COL12A1: variants seen among roughly 807,000 people sequenced by gnomAD.
COL12A1 encodes collagen type XII alpha 1 chain.
Under a neutral mutation model 349.7 loss-of-function variants are expected in COL12A1, and 114 were observed. The observed-to-expected ratio is 0.33, with a 90% CI of 0.28 to 0.38. The LOEUF is 0.38. Among genes scored for constraint, COL12A1 ranks in the 10% least tolerant of loss-of-function variants. The pLI, the probability that COL12A1 is intolerant of heterozygous loss-of-function variation, is 1.00. For missense variants in COL12A1, 3,284 were observed against 3,756.9 expected (o/e 0.87, Z 3.29); for synonymous variants, 1,369 against 1,329.0 (o/e 1.03, Z -0.66).
rs774985994 is a variant in COL12A1 at position 75,087,573 on chromosome 6, G to A, written c.9181+4C>T. The A allele has an allele frequency of 5.6e-6, 9 of 1,613,284 alleles. No homozygotes were observed. Among genetic ancestry groups the A allele is most frequent in the East Asian group, 4.5e-5 (2 of 44,802 alleles). On this transcript the variant is annotated splice_donor_region_variant and intron_variant, in intron 65 of 65. Transcript: ENST00000322507. ...TTGGGGTTCCTACAATGGCAACAAC[G>A]TACCTGGATAGCCTTGCCCGTTGTA...
intron 51 of COL12A1, among the ~76,000 whole-genome samples, chr6:75,111,566 G>T (rs1256769403): frequency 3.3e-5 from 5 of 151,720 alleles, no homozygotes; most frequent in Non-Finnish European, 5.9e-5. Flanking sequence ...ATCTTCAGTG[G>T]TTATGAAAGG....
intron 23 of COL12A1, among the ~76,000 whole-genome samples, chr6:75,147,387 G>T (rs1254767256): frequency 1.3e-5 from 2 of 152,146 alleles, no homozygotes; most frequent in Non-Finnish European, 2.9e-5. Flanking sequence ...GAAAGCAAAA[G>T]TCTAAAGACT....
At chr6:75,089,053 G>T in intron 64 of COL12A1, 53 bp downstream of exon 64, 1 of 1,234,720 alleles carries the variant, frequency 8.1e-7, no homozygotes, top group African/African-American at 1.5e-5. Flanking sequence ...TCGGGATGGT[G>T]TGCCCTCTCG....
chr6:75,176,078 A>G (rs1418195861), intron 12 of COL12A1, among the ~76,000 whole-genome samples: 1 of 152,240 alleles, frequency 6.6e-6, no homozygotes, highest in Non-Finnish European at 1.5e-5. Context: ...CCTCAGCAAG[A>G]GAGAAAACCA....
chr6:75,108,093 T>G (rs975973506), intron 52 of COL12A1, among the ~76,000 whole-genome samples: 7 of 152,274 alleles, frequency 4.6e-5, no homozygotes, highest in Middle Eastern at 3.4e-3. Flanking sequence ...ATTGATTGAT[T>G]GATTGAGACA....
chr6:75,129,180 G>T (rs887450545), intron 37 of COL12A1, among the ~76,000 whole-genome samples: 2 of 152,148 alleles, frequency 1.3e-5, no homozygotes, highest in Non-Finnish European at 2.9e-5. Context: ...TCTCTGCTTT[G>T]GCAAACTAAC....
chr6:75,167,031 T>C (rs934412997), intron 13 of COL12A1, among the ~76,000 whole-genome samples: 1 of 152,152 alleles, frequency 6.6e-6, no homozygotes, highest in Non-Finnish European at 1.5e-5. Context: ...ATTAGTTACA[T>C]ATTTCACTGG....
At chr6:75,132,780 A>T (rs1766372886) in intron 34 of COL12A1, among the ~76,000 whole-genome samples, 1 of 152,250 alleles carries the variant, frequency 6.6e-6, no homozygotes, top group Non-Finnish European at 1.5e-5. Context: ...CCAAAGAAAT[A>T]TTTCTAAATC....
chr6:75,170,968 C>G (rs1768601800), intron 13 of COL12A1, among the ~76,000 whole-genome samples: 2 of 152,162 alleles, frequency 1.3e-5, no homozygotes, highest in African/African-American at 4.8e-5. Context: ...GTCATATTTT[C>G]CATAGCCAAA....
At chr6:75,201,251 T>C (rs1376765965) in intron 2 of COL12A1, among the ~76,000 whole-genome samples, 1 of 152,200 alleles carries the variant, frequency 6.6e-6, no homozygotes, top group East Asian at 1.9e-4. Context: ...TCAAATAAAA[T>C]TCCTTCCTAA....
chr6:75,138,675 G>A (rs1766746855), intron 28 of COL12A1, 95 bp from the exon 29 acceptor site: 1 of 1,567,990 alleles, frequency 6.4e-7, no homozygotes, highest in Non-Finnish European at 8.7e-7. Context: ...TATTTAGCCA[G>A]ATGTTCCTCC....
chr6:75,134,399 A>T (rs938191073), intron 32 of COL12A1, among the ~76,000 whole-genome samples: 3 of 152,056 alleles, frequency 2.0e-5, no homozygotes, highest in Admixed American at 6.5e-5. Flanking sequence ...GTGAAACCCC[A>T]TCTGTACCAA....
rs933659670 is a variant in COL12A1, at chr6:75,140,549, C to G, written c.4957+1483G>C. On this transcript the variant is annotated intron_variant, in intron 27 of 65. Coordinates refer to ENST00000322507, the MANE Select transcript of COL12A1 (RefSeq NM_004370.6). Reference sequence around the variant, plus strand: ...TCGGCACCTGTAGTCCCAGCTACTCCGGAGGCTGAGGCAGGATAATGGCGT... The same window carrying G: ...TCGGCACCTGTAGTCCCAGCTACTCGGGAGGCTGAGGCAGGATAATGGCGT... Among the ~76,000 whole-genome samples, 3 of 148,800 alleles carry G rather than the reference C, an allele frequency of 2.0e-5. No homozygotes were observed. In the Admixed American group the frequency reaches 2.0e-4, roughly 10 times the overall value.
At chr6:75,204,647 T>A (rs1393784868) in intron 1 of COL12A1, among the ~76,000 whole-genome samples, 1 of 152,132 alleles carries the variant, frequency 6.6e-6, no homozygotes, top group Admixed American at 6.5e-5. Context: ...CACTTCACCC[T>A]CATGAATAAA....
intron 25 of COL12A1, among the ~76,000 whole-genome samples, chr6:75,144,643 A>T (rs1317967371): frequency 6.6e-6 from 1 of 152,190 alleles, no homozygotes; most frequent in Non-Finnish European, 1.5e-5. Context: ...AAAAGCACCT[A>T]AATGCTTAGT....
Position 75,156,243 on chromosome 6 carries a change from T to C in COL12A1, c.3250+14A>G, listed in dbSNP as rs1767754855. The stretch of plus-strand genomic sequence containing the variant: ...ACCTTCTCTCCCCCTCAAAATATAA[T>C]TATTATTTCATACCTGTTGTTCCTG... On this transcript the variant is annotated intron_variant, in intron 15 of 65. Coordinates refer to ENST00000322507, the MANE Select transcript of COL12A1 (RefSeq NM_004370.6). 6.2e-7 allele frequency: 1 copy of C among 1,612,256 alleles called. No homozygotes were observed. The highest frequency in any genetic ancestry group is 1.3e-5 in the African/African-American group (1 of 74,946).
intron 14 of COL12A1, among the ~76,000 whole-genome samples, chr6:75,160,758 G>A (rs887827897): frequency 2.0e-5 from 3 of 152,008 alleles, no homozygotes; most frequent in African/African-American, 7.3e-5. Context: ...CTCACCTAAC[G>A]TTAAATAATT....
At chr6:75,202,954 A>G in intron 1 of COL12A1, 127 bp from the exon 2 acceptor site, 2 of 602,928 alleles carry the variant, frequency 3.3e-6, no homozygotes, top group Middle Eastern at 4.3e-4. Flanking sequence ...GGCCTACTCC[A>G]GCACATAATG....
intron 7 of COL12A1, 134 bp downstream of exon 7, chr6:75,189,083 T>C (rs1029309045): frequency 7.3e-6 from 7 of 958,540 alleles, no homozygotes; most frequent in African/African-American, 6.7e-5. Flanking sequence ...TTTAAGTCTT[T>C]AATATTACAC....
Sources: allele counts gnomAD v4.1 joint callset (sites outside exome capture counted in the v4.1 genomes callset), GRCh38; gene constraint gnomAD v4.1.1; transcripts MANE v1.5; gene names NCBI Gene and HGNC (gene_info 2026-07-23, HGNC 2026-07-21).